Variants in DTNB observed in about 807,000 individuals in gnomAD.
DTNB encodes the protein dystrobrevin beta.
Under a neutral mutation model 90.7 loss-of-function variants are expected in DTNB, and 63 were observed. The ratio of observed to expected loss-of-function variants is 0.69; its 90% CI spans 0.57 to 0.86. The LOEUF (loss-of-function observed/expected upper bound fraction) is 0.86. Ranked by LOEUF, DTNB falls within the 40% of genes least tolerant of loss-of-function variation. DTNB has a pLI of 0.00. For synonymous variants in DTNB, 277 were observed against 286.7 expected (o/e 0.97, Z 0.34); for missense variants, 744 against 807.1 (o/e 0.92, Z 0.95).
At chr2:25,489,107 A>G (rs2066829892) in intron 9 of DTNB, among the ~76,000 whole-genome samples, 1 of 152,232 alleles carries the variant, frequency 6.6e-6, no homozygotes, top group African/African-American at 2.4e-5. Context: ...ACTGGTAGAA[A>G]TAATTTTCAT....
intron 1 of DTNB, among the ~76,000 whole-genome samples, chr2:25,673,150 C>G (rs2086498884): frequency 6.6e-6 from 1 of 151,694 alleles, no homozygotes; most frequent in Non-Finnish European, 1.5e-5. Context: ...GCCCGGGATC[C>G]GCCGCATCCC....
At chr2:25,560,803 T>C (rs2058144246) in intron 8 of DTNB, among the ~76,000 whole-genome samples, 1 of 152,058 alleles carries the variant, frequency 6.6e-6, no homozygotes, top group African/African-American at 2.4e-5. Context: ...GCAGAGAGAG[T>C]GTGGCTCTGC....
intron 10 of DTNB, among the ~76,000 whole-genome samples, chr2:25,476,701 A>G (rs2063811630): frequency 6.6e-6 from 1 of 152,222 alleles, no homozygotes; most frequent in Non-Finnish European, 1.5e-5. Flanking sequence ...AATTGCTGCA[A>G]TCTCATAATA....
At chr2:25,450,070 A>G (rs546821761) in intron 12 of DTNB, among the ~76,000 whole-genome samples, 1 of 152,298 alleles carries the variant, frequency 6.6e-6, no homozygotes, top group South Asian at 2.1e-4. Flanking sequence ...TAATTTATCA[A>G]TTTTTAAAAT....
intron 10 of DTNB, among the ~76,000 whole-genome samples, chr2:25,469,512 C>A (rs1164900582): frequency 2.0e-5 from 3 of 152,136 alleles, no homozygotes; most frequent in Non-Finnish European, 4.4e-5. Flanking sequence ...GTGGTGTGAT[C>A]TCAGCTCACT....
At chr2:25,431,818 C>T (rs931488507) in intron 14 of DTNB, among the ~76,000 whole-genome samples, 3 of 152,192 alleles carry the variant, frequency 2.0e-5, no homozygotes, top group African/African-American at 7.2e-5. Context: ...TAGTACGACA[C>T]CAGCTGTACT....
At chr2:25,562,222 A>G (rs1427924534) in intron 8 of DTNB, among the ~76,000 whole-genome samples, 2 of 152,168 alleles carry the variant, frequency 1.3e-5, no homozygotes, top group Non-Finnish European at 2.9e-5. Flanking sequence ...TTCACTTAGC[A>G]TGTTTTCAAT....
At chr2:25,605,601 T>A (rs977113276) in intron 5 of DTNB, among the ~76,000 whole-genome samples, 3 of 152,234 alleles carry the variant, frequency 2.0e-5, no homozygotes, top group Non-Finnish European at 4.4e-5. Flanking sequence ...TATGTAAATA[T>A]AGTAGACTTT....
At chr2:25,383,464 C>T (rs1041685634) in intron 19 of DTNB, among the ~76,000 whole-genome samples, 35 of 152,122 alleles carry the variant, frequency 2.3e-4, no homozygotes, top group Non-Finnish European at 2.9e-5. Context: ...TGTGATCCAC[C>T]CGCCTCAGCC....
At chr2:25,485,415 T>A (rs964680379) in intron 9 of DTNB, among the ~76,000 whole-genome samples, 1 of 152,194 alleles carries the variant, frequency 6.6e-6, no homozygotes, top group Non-Finnish European at 1.5e-5. Flanking sequence ...CATAAATCCA[T>A]GCAATAAAAT....
rs568961120 is a variant in DTNB, at chr2:25,533,277, G to T, written c.877-1680C>A. Among the ~76,000 whole-genome samples the T allele has an allele frequency of 2.6e-5, 4 of 152,194 alleles. No individual in the cohort carries two copies. In the South Asian group the frequency reaches 8.3e-4, roughly 32 times the overall value. The stretch of plus-strand genomic sequence containing the variant: ...GGCCGACGAGGCTGCAGTGAGCTGA[G>T]ATTGTGCCAACTACACCCCACCCTG... On this transcript the variant is annotated intron_variant, in intron 8 of 20. Transcript: ENST00000406818.
intron 16 of DTNB, among the ~76,000 whole-genome samples, chr2:25,396,483 C>G (rs2042386325): frequency 6.6e-6 from 1 of 151,230 alleles, no homozygotes; most frequent in African/African-American, 2.4e-5. Context: ...TGCACTCCAG[C>G]CTAGGCAACA....
chr2:25,662,765 A>G (rs2083517006), intron 1 of DTNB, among the ~76,000 whole-genome samples: 1 of 151,954 alleles, frequency 6.6e-6, no homozygotes, highest in African/African-American at 2.4e-5. Flanking sequence ...AAAAGAGAGT[A>G]TCTCTGGGGA....
intron 4 of DTNB, 146 bp downstream of exon 4, chr2:25,628,025 C>T (rs529771065): frequency 6.0e-6 from 5 of 840,154 alleles, no homozygotes; most frequent in South Asian, 1.7e-5. Flanking sequence ...TGTGAGCTAC[C>T]GTGCCCAGCC....
At chr2:25,455,605 A>G (rs1351882113) in intron 10 of DTNB, 111 bp from the exon 11 acceptor site, 41 of 888,014 alleles carry the variant, frequency 4.6e-5, no homozygotes, top group Middle Eastern at 2.2e-4. Context: ...AAAATAATAA[A>G]TCATGATAAG....
chr2:25,501,069 A>T (rs2070532773), intron 9 of DTNB, among the ~76,000 whole-genome samples: 1 of 152,246 alleles, frequency 6.6e-6, no homozygotes, highest in South Asian at 2.1e-4. Context: ...GCATCCATCA[A>T]ATGTTCTGAA....
intron 19 of DTNB, chr2:25,383,563 G>A: frequency 1.7e-6 from 1 of 571,898 alleles, no homozygotes; most frequent in East Asian, 3.4e-5. Flanking sequence ...CCAGTCAAAG[G>A]GTCATCTTTT....
At chr2:25,378,136 C>T (rs972419545) in intron 20 of DTNB, among the ~76,000 whole-genome samples, 3 of 152,212 alleles carry the variant, frequency 2.0e-5, no homozygotes, top group Non-Finnish European at 4.4e-5. Context: ...ACCCCAGTTC[C>T]TTCTGCCCCG....
chr2:25,649,047 CA>C (rs1270418145), intron 2 of DTNB, among the ~76,000 whole-genome samples: 1 of 138,150 alleles, frequency 7.2e-6, no homozygotes, highest in East Asian at 2.3e-4. Context: ...CTCTGTCGCC[CA>C]GGCTGGAGTG....
Sources: allele counts gnomAD v4.1 joint callset (sites outside exome capture counted in the v4.1 genomes callset), GRCh38; gene constraint gnomAD v4.1.1; transcripts MANE v1.5; gene names NCBI Gene and HGNC (gene_info 2026-07-23, HGNC 2026-07-21).